Variants in DLGAP1 observed in about 807,000 individuals in gnomAD.
The protein encoded by DLGAP1 is DLG associated protein 1.
DLGAP1 carries 11 observed loss-of-function variants against 90.8 expected under a neutral mutation model. The ratio of observed to expected loss-of-function variants is 0.12; its 90% CI spans 0.08 to 0.20. The LOEUF is 0.20. DLGAP1 is among the 10% of genes least tolerant of loss of function. DLGAP1 has a pLI of 1.00. For missense variants in DLGAP1, 1,050 were observed against 1,333.8 expected, an observed-to-expected ratio of 0.79 and a Z score of 3.31; for synonymous variants, 558 against 540.7, an observed-to-expected ratio of 1.03 and a Z score of -0.44.
At chr18:4,016,507 C>T (rs898414326) in intron 2 of DLGAP1, among the ~76,000 whole-genome samples, 4 of 152,146 alleles carry the variant, frequency 2.6e-5, no homozygotes, top group African/African-American at 9.7e-5. Context: ...AACAGATTAC[C>T]CTTGGGGAAG....
intron 7 of DLGAP1, among the ~76,000 whole-genome samples, chr18:3,671,494 C>G (rs117126854): frequency 6.6e-6 from 1 of 152,142 alleles, no homozygotes; most frequent in African/African-American, 2.4e-5. Context: ...GGAAGGGATT[C>G]GTAGTTCCAC....
At chr18:3,694,145 T>G (rs1418876770) in intron 7 of DLGAP1, among the ~76,000 whole-genome samples, 1 of 152,076 alleles carries the variant, frequency 6.6e-6, no homozygotes, top group Non-Finnish European at 1.5e-5. Context: ...GTGTTTGGTT[T>G]TCTCTTCCTG....
At chr18:3,802,750 T>C (rs892817062) in intron 5 of DLGAP1, among the ~76,000 whole-genome samples, 2 of 152,244 alleles carry the variant, frequency 1.3e-5, no homozygotes, top group Non-Finnish European at 2.9e-5. Flanking sequence ...CAGAGCCTTA[T>C]AGCTCTCTTG....
At chr18:3,715,730 A>C (rs2061740358) in intron 7 of DLGAP1, among the ~76,000 whole-genome samples, 1 of 152,202 alleles carries the variant, frequency 6.6e-6, no homozygotes, top group South Asian at 2.1e-4. Context: ...CACAGGTACA[A>C]CTGAAAGCAT....
chr18:3,581,824 A>G (rs1485839922), intron 8 of DLGAP1, 51 bp downstream of exon 8: 5 of 1,592,078 alleles, frequency 3.1e-6, no homozygotes, highest in Non-Finnish European at 2.6e-6. Flanking sequence ...AAAGTGTTAC[A>G]TTCCTTAGTT....
intron 7 of DLGAP1, among the ~76,000 whole-genome samples, chr18:3,691,520 C>T (rs1000026975): frequency 2.0e-5 from 3 of 151,860 alleles, no homozygotes; most frequent in African/African-American, 7.3e-5. Flanking sequence ...CATTTATGGG[C>T]CTGTATTTAC....
chr18:4,016,060 A>C (rs1325321473), intron 2 of DLGAP1, among the ~76,000 whole-genome samples: 2 of 152,256 alleles, frequency 1.3e-5, no homozygotes, highest in Non-Finnish European at 2.9e-5. Flanking sequence ...TAATGAACAC[A>C]TGCTATCAGC....
intron 1 of DLGAP1, among the ~76,000 whole-genome samples, chr18:4,398,538 C>A (rs1330374392): frequency 6.6e-6 from 1 of 152,174 alleles, no homozygotes; most frequent in Non-Finnish European, 1.5e-5. Context: ...TGTCTATTAA[C>A]TTAATAGCTA....
chr18:3,863,942 T>A (rs11661026), intron 4 of DLGAP1, among the ~76,000 whole-genome samples: 1 of 152,154 alleles, frequency 6.6e-6, no homozygotes. Flanking sequence ...CTTGGGTACC[T>A]TAGAAAATAA....
chr18:4,043,548 A>C (rs2075006722), intron 2 of DLGAP1, among the ~76,000 whole-genome samples: 1 of 152,050 alleles, frequency 6.6e-6, no homozygotes, highest in Non-Finnish European at 1.5e-5. Flanking sequence ...CCTACATCTT[A>C]TTTATTTATT....
chr18:3,848,884 C>A (rs1181938442), intron 4 of DLGAP1, among the ~76,000 whole-genome samples: 1 of 152,180 alleles, frequency 6.6e-6, no homozygotes, highest in Non-Finnish European at 1.5e-5. Context: ...TTTCAGAGGG[C>A]AAAGTAGATA....
chr18:3,951,926 C>T (rs972827303), intron 3 of DLGAP1, among the ~76,000 whole-genome samples: 22 of 152,204 alleles, frequency 1.4e-4, no homozygotes, highest in Non-Finnish European at 2.5e-4. Flanking sequence ...TACCCAGTCT[C>T]GGGTAGTATC....
At chr18:3,510,744 A>G (rs1291438506) in intron 10 of DLGAP1, among the ~76,000 whole-genome samples, 1 of 152,222 alleles carries the variant, frequency 6.6e-6, no homozygotes, top group Non-Finnish European at 1.5e-5. Context: ...AACTCCAGCT[A>G]TTCTGACTTA....
At chr18:4,192,868 T>G (rs2077426864) in intron 1 of DLGAP1, among the ~76,000 whole-genome samples, 1 of 152,124 alleles carries the variant, frequency 6.6e-6, no homozygotes, top group African/African-American at 2.4e-5. Flanking sequence ...TTGACAGAAG[T>G]TGTTCACGTT....
At chr18:3,929,947 A>G (rs2072479724) in intron 3 of DLGAP1, among the ~76,000 whole-genome samples, 1 of 152,186 alleles carries the variant, frequency 6.6e-6, no homozygotes, top group Non-Finnish European at 1.5e-5. Context: ...GCAGTCTTGT[A>G]CCATGAACTG....
Position 3,772,390 on chromosome 18 carries a change from TTCTTTCTTTCTTTCTTTC to T in DLGAP1, c.1173-29896_1173-29879del, listed in dbSNP as rs1279376366. Among the ~76,000 whole-genome samples, 51 of 30,254 alleles carry T rather than the reference TTCTTTCTTTCTTTCTTTC, an allele frequency of 1.7e-3. 1 individual carries two copies. The highest frequency in any genetic ancestry group is 4.0e-3 in the East Asian group (2 of 500). 19.8% of individuals were successfully genotyped at this position (30,254 alleles called of 152,430 possible). A position where few individuals can be genotyped will look rare whatever the true frequency, so the allele number is the denominator to read the frequency against. On this transcript the variant is annotated intron_variant, in intron 5 of 12. Transcript: ENST00000315677. Reference sequence around the variant, plus strand: ...TTTCTTTCTTTCTTTCTTTCTTTCTTTCTTTCTTTCTTTCTTTCTCTTTCTTTCTTTCCTTCCTTCCTC... The same window carrying T: ...TTTCTTTCTTTCTTTCTTTCTTTCTTTCTTTCTTTCTTTCCTTCCTTCCTC...
intron 3 of DLGAP1, among the ~76,000 whole-genome samples, chr18:3,954,240 A>G (rs565455799): frequency 1.3e-5 from 2 of 152,348 alleles, no homozygotes; most frequent in Admixed American, 6.5e-5. Flanking sequence ...AAAACATATT[A>G]TCTTAAAAAT....
At chr18:3,564,297 T>C (rs2054312388) in intron 9 of DLGAP1, among the ~76,000 whole-genome samples, 1 of 152,138 alleles carries the variant, frequency 6.6e-6, no homozygotes, top group Non-Finnish European at 1.5e-5. Flanking sequence ...CATCAGTGTT[T>C]CTCAGTTGTT....
At chr18:4,233,193 A>T (rs564744811) in intron 1 of DLGAP1, among the ~76,000 whole-genome samples, 4 of 152,250 alleles carry the variant, frequency 2.6e-5, no homozygotes, top group South Asian at 4.2e-4. Context: ...CCTAAACTAT[A>T]GATTTTACTT....
Sources: gnomAD v4.1 joint callset for allele counts (sites outside exome capture counted in the v4.1 genomes callset) on GRCh38, gnomAD v4.1.1 for gene constraint, MANE v1.5 for transcripts, NCBI Gene and HGNC (gene_info 2026-07-23, HGNC 2026-07-21) for gene names.